Variants in KIAA1328 observed in about 807,000 individuals in gnomAD.
KIAA1328 encodes the protein KIAA1328.
A neutral mutation model predicts 68.1 loss-of-function variants in KIAA1328; 52 were observed. That is an observed-to-expected ratio of 0.76 (90% CI 0.61 to 0.96). The LOEUF (loss-of-function observed/expected upper bound fraction) is 0.96. Ranked by LOEUF, KIAA1328 falls within the 40% of genes least tolerant of loss-of-function variation. KIAA1328 has a pLI of 0.00. For missense variants in KIAA1328, 641 were observed against 677.6 expected (o/e 0.95, Z 0.60); for synonymous variants, 232 against 239.4 (o/e 0.97, Z 0.28).
chr18:37,125,949 T>G (rs2058379225), intron 7 of KIAA1328, among the ~76,000 whole-genome samples: 1 of 147,366 alleles, frequency 6.8e-6, no homozygotes, highest in Non-Finnish European at 1.5e-5. Context: ...GTATGTCATA[T>G]TTTTTTTACT....
At chr18:36,856,554 C>T (rs1219483903) in intron 4 of KIAA1328, among the ~76,000 whole-genome samples, 1 of 143,510 alleles carries the variant, frequency 7.0e-6, no homozygotes, top group Non-Finnish European at 1.5e-5. Context: ...TTGATATTCT[C>T]TATTTGTTCA....
intron 6 of KIAA1328, among the ~76,000 whole-genome samples, chr18:37,043,643 G>A (rs574970313): frequency 6.6e-6 from 1 of 152,278 alleles, no homozygotes; most frequent in South Asian, 2.1e-4. Context: ...CACTGATCCT[G>A]TCTGAGAGTT....
At chr18:36,960,695 A>G (rs188798476) in intron 6 of KIAA1328, among the ~76,000 whole-genome samples, 9 of 152,320 alleles carry the variant, frequency 5.9e-5, no homozygotes, top group African/African-American at 2.2e-4. Context: ...ACTTCCAGCA[A>G]ACACCAACAG....
intron 6 of KIAA1328, among the ~76,000 whole-genome samples, chr18:36,965,805 G>A (rs2051906822): frequency 6.6e-6 from 1 of 151,064 alleles, no homozygotes; most frequent in African/African-American, 2.4e-5. Context: ...TACTTAATGT[G>A]TAATATATGT....
At chr18:37,098,086 T>C (rs1462585747) in intron 7 of KIAA1328, among the ~76,000 whole-genome samples, 6 of 152,186 alleles carry the variant, frequency 3.9e-5, no homozygotes, top group Middle Eastern at 3.4e-3. Flanking sequence ...GCCTGATTGC[T>C]CTGGCCAGAA....
intron 5 of KIAA1328, among the ~76,000 whole-genome samples, chr18:36,947,279 T>G (rs183141585): frequency 1.8e-4 from 27 of 152,348 alleles, no homozygotes; most frequent in Non-Finnish European, 2.6e-4. Flanking sequence ...GGAGGCTTAT[T>G]ATGTGCCAAA....
Position 37,042,525 on chromosome 18 carries a change from A to G in KIAA1328, c.577-24365A>G. On this transcript the variant is annotated intron_variant, in intron 6 of 9. Transcript: ENST00000280020. ...TAGTTTTGCTGGATATAAAATTCTT[A>G]GTTGACAGTTTATTTTTTTCAAAAC... Among the ~76,000 whole-genome samples, 2 of 152,164 alleles carry G rather than the reference A, an allele frequency of 1.3e-5. 1 individual carries two copies. The highest frequency in any genetic ancestry group is 3.8e-4 in the East Asian group (2 of 5,198).
intron 4 of KIAA1328, among the ~76,000 whole-genome samples, chr18:36,867,728 T>C (rs978168085): frequency 2.0e-5 from 3 of 152,128 alleles, no homozygotes; most frequent in African/African-American, 7.2e-5. Flanking sequence ...TATATAAATG[T>C]GAATAAAAGT....
chr18:37,063,598 A>G (rs2056234707), intron 6 of KIAA1328: 1 of 982,590 alleles, frequency 1.0e-6, no homozygotes, highest in Non-Finnish European at 1.2e-6. Flanking sequence ...AGCATCTTAG[A>G]ATTCTGCCTA....
At position 36,938,924 on chromosome 18, in the gene KIAA1328, A is replaced by G. The variant is rs571975405; in HGVS notation, c.449-20384A>G. 2.6e-5 allele frequency among the ~76,000 whole-genome samples: 4 copies of G among 152,170 alleles called. No homozygotes were observed. In the East Asian group the frequency reaches 7.7e-4, roughly 29 times the overall value. On this transcript the variant is annotated intron_variant, in intron 5 of 9. Coordinates refer to ENST00000280020, the MANE Select transcript of KIAA1328 (RefSeq NM_020776.3). ...CGTGGGTTTATTTTTTGGGTTTTCT[A>G]TCCTATTCCATTGGTTAATGTGTTT... is the stretch of plus-strand genomic sequence containing the variant.
At chr18:37,218,996 G>A (rs2060502242) in intron 9 of KIAA1328, among the ~76,000 whole-genome samples, 1 of 152,088 alleles carries the variant, frequency 6.6e-6, no homozygotes, top group South Asian at 2.1e-4. Flanking sequence ...ATGGGGTTTT[G>A]GTGTTGATGT....
chr18:36,882,163 G>C (rs117522963), intron 4 of KIAA1328, among the ~76,000 whole-genome samples: 4 of 152,182 alleles, frequency 2.6e-5, no homozygotes, highest in African/African-American at 9.6e-5. Context: ...TCTGCTACTT[G>C]CCATTTAATG....
At chr18:36,930,268 G>A (rs2050263603) in intron 5 of KIAA1328, among the ~76,000 whole-genome samples, 1 of 152,046 alleles carries the variant, frequency 6.6e-6, no homozygotes, top group Non-Finnish European at 1.5e-5. Flanking sequence ...TCTGCATTCT[G>A]CATTCTGTCC....
At chr18:37,210,825 C>T (rs1226715346) in intron 9 of KIAA1328, among the ~76,000 whole-genome samples, 1 of 152,136 alleles carries the variant, frequency 6.6e-6, no homozygotes, top group Non-Finnish European at 1.5e-5. Flanking sequence ...TTGGAATAAT[C>T]TTGGGTATTC....
intron 5 of KIAA1328, among the ~76,000 whole-genome samples, chr18:36,888,084 G>A (rs541426581): frequency 1.3e-5 from 2 of 152,318 alleles, no homozygotes; most frequent in South Asian, 4.1e-4. Context: ...GCATGGCTGT[G>A]AATGGTTTCT....
Position 36,920,075 on chromosome 18 carries a change from A to G in KIAA1328, c.448+34403A>G, listed in dbSNP as rs143892934. On this transcript the variant is annotated intron_variant, in intron 5 of 9. Transcript: ENST00000280020. ...TGCTGGGCAGTGGTCCCACTTGTCAATTTTTGTTTTTGTTGCAGTTGCTTG... is the reference window on the plus strand; with the variant it reads ...TGCTGGGCAGTGGTCCCACTTGTCAGTTTTTGTTTTTGTTGCAGTTGCTTG... Among the ~76,000 whole-genome samples, 4 of 152,188 alleles carry G rather than the reference A, an allele frequency of 2.6e-5. No individual in the cohort carries two copies. In the East Asian group the frequency reaches 7.7e-4, roughly 29 times the overall value.
chr18:37,169,168 A>G (rs542022952), intron 8 of KIAA1328, among the ~76,000 whole-genome samples: 11 of 148,828 alleles, frequency 7.4e-5, no homozygotes, highest in African/African-American at 2.7e-4. Context: ...TTATTTATTT[A>G]TATTTTTTTT....
At chr18:36,915,173 G>C (rs750475500) in intron 5 of KIAA1328, among the ~76,000 whole-genome samples, 2 of 152,158 alleles carry the variant, frequency 1.3e-5, no homozygotes, top group South Asian at 4.1e-4. Flanking sequence ...TACAGTACTG[G>C]TGAAAGGACA....
intron 7 of KIAA1328, among the ~76,000 whole-genome samples, chr18:37,139,584 T>C (rs930725886): frequency 6.6e-6 from 1 of 152,212 alleles, no homozygotes; most frequent in African/African-American, 2.4e-5. Flanking sequence ...CTGTAATATT[T>C]CATTTACAGA....
Sources: gnomAD v4.1 joint callset for allele counts (sites outside exome capture counted in the v4.1 genomes callset) on GRCh38, gnomAD v4.1.1 for gene constraint, MANE v1.5 for transcripts, NCBI Gene and HGNC (gene_info 2026-07-23, HGNC 2026-07-21) for gene names.